Variants in CCDC39 observed in about 807,000 individuals in gnomAD.
CCDC39 encodes coiled-coil domain 39 molecular ruler complex subunit.
A neutral mutation model predicts 121.0 loss-of-function variants in CCDC39; 113 were observed. That is an observed-to-expected ratio of 0.93 (90% CI 0.80 to 1.09). The LOEUF is 1.09. Among genes scored for constraint, CCDC39 ranks in the 50% least tolerant of loss-of-function variants. The pLI is 0.00. For synonymous variants in CCDC39, 349 were observed against 352.2 expected (o/e 0.99, Z 0.10); for missense variants, 1,063 against 1,074.7 (o/e 0.99, Z 0.15).
chr3:180,627,651 A>G (rs73885305), intron 14 of CCDC39, among the ~76,000 whole-genome samples: 1 of 152,198 alleles, frequency 6.6e-6, no homozygotes. Context: ...TGGAAATGAG[A>G]TTTGAAAAAT....
intron 1 of CCDC39, among the ~76,000 whole-genome samples, chr3:180,665,026 A>G (rs1030303559): frequency 1.3e-5 from 2 of 152,082 alleles, no homozygotes; most frequent in African/African-American, 2.4e-5. Flanking sequence ...AAGATATCTT[A>G]AGCGAACAAG....
In CCDC39 at chr3:180,642,137, C is replaced by T; in HGVS notation, c.1730G>A (p.Ser577Asn). The change falls in exon 13 of 20, where the codon AGT becomes AAT. Residue 577 changes from serine (S) to asparagine (N), a missense_variant. Physicochemically the swap from Ser to Asn is conservative, Grantham distance 46. Transcript: ENST00000476379. The part of the protein sequence containing the change: ...EVKRTREMLH[S>N]KAEEVLSLEK... ...TAGGGAAAGAACTTCTTCTGCCTTA[C>T]TGTGAAGCATTTCTCGAGTACGCTT... is the stretch of plus-strand genomic sequence containing the variant. The T allele has an allele frequency of 6.2e-7, 1 of 1,612,646 alleles. No homozygotes were observed. The highest frequency in any genetic ancestry group is 8.5e-7 in the Non-Finnish European group (1 of 1,179,030).
intron 1 of CCDC39, among the ~76,000 whole-genome samples, chr3:180,672,986 A>C (rs1479222842): frequency 6.6e-6 from 1 of 152,210 alleles, no homozygotes; most frequent in Non-Finnish European, 1.5e-5. Context: ...AAGTAACTGC[A>C]GATAAGGTAG....
chr3:180,617,551 A>T (rs1379527484), intron 16 of CCDC39: 1 of 603,912 alleles, frequency 1.7e-6, no homozygotes, highest in South Asian at 2.3e-5. Flanking sequence ...GGTATTGATG[A>T]TCCTGACCAC....
chr3:180,635,368 T>TC (rs138941631), intron 13 of CCDC39, among the ~76,000 whole-genome samples: 6,326 of 150,166 alleles, frequency 0.042, 443 homozygotes, highest in African/African-American at 0.14. Flanking sequence ...TTCCCAATAA[T>TC]CCCCCCAAAG....
chr3:180,668,225 A>C (rs1189151661), intron 1 of CCDC39, among the ~76,000 whole-genome samples: 1 of 152,286 alleles, frequency 6.6e-6, no homozygotes, highest in East Asian at 1.9e-4. Flanking sequence ...AAAAATAAAA[A>C]AAAATTAGCC....
At chr3:180,635,743 T>G (rs535682413) in intron 13 of CCDC39, among the ~76,000 whole-genome samples, 2 of 152,322 alleles carry the variant, frequency 1.3e-5, no homozygotes, top group East Asian at 1.9e-4. Context: ...CTTCACAGGC[T>G]GATATTGAGT....
intron 1 of CCDC39, among the ~76,000 whole-genome samples, chr3:180,674,375 T>G (rs1270567330): frequency 1.1e-4 from 16 of 152,184 alleles, no homozygotes; most frequent in Non-Finnish European, 2.2e-4. Context: ...AAGGAGATTT[T>G]GGGCTGAGAC....
chr3:180,664,030 T>G (rs1201059187), intron 1 of CCDC39, 44 bp from the exon 2 acceptor site: 1 of 1,554,922 alleles, frequency 6.4e-7, no homozygotes, highest in East Asian at 2.3e-5. Context: ...CCTATTAAGT[T>G]TTACCATATG....
At chr3:180,627,218 T>C (rs528774919) in intron 14 of CCDC39, among the ~76,000 whole-genome samples, 2 of 152,360 alleles carry the variant, frequency 1.3e-5, no homozygotes, top group African/African-American at 4.8e-5. Flanking sequence ...TTTATCGTGC[T>C]TCAGAACATT....
At chr3:180,627,438 G>A (rs1341665329) in intron 14 of CCDC39, among the ~76,000 whole-genome samples, 2 of 152,192 alleles carry the variant, frequency 1.3e-5, no homozygotes, top group African/African-American at 4.8e-5. Flanking sequence ...AAATGAAGGA[G>A]TTGAATTTGT....
Position 180,616,640 on chromosome 3 carries a change from A to G in CCDC39, c.2462T>C (p.Met821Thr). 1 of 1,594,694 alleles carries G rather than the reference A, an allele frequency of 6.3e-7. No homozygotes were observed. The highest frequency in any genetic ancestry group is 8.6e-7 in the Non-Finnish European group (1 of 1,169,284). Reference sequence around the variant, plus strand: ...ACGAAGTTTGATGTCTTGTTCTTCCATTGTTTCATCTTTTGTGTCTTTCAA... The same window carrying G: ...ACGAAGTTTGATGTCTTGTTCTTCCGTTGTTTCATCTTTTGTGTCTTTCAA... ...RLLKDTKDET[M>T]EEQDIKLREM... The change falls in exon 18 of 20, where the codon ATG becomes ACG. Residue 821 changes from methionine (M) to threonine (T), a missense_variant. By Grantham distance (81) the Met-to-Thr change is moderately conservative. Coordinates refer to ENST00000476379, the MANE Select transcript of CCDC39 (RefSeq NM_181426.2).
rs1429945767 is a variant in CCDC39 at position 180,616,986 on chromosome 3, A to T, written c.2266-20T>A. On this transcript the variant is annotated intron_variant, in intron 16 of 19. Transcript: ENST00000476379. The stretch of plus-strand genomic sequence containing the variant: ...CATGCTCTGTAGAAAAAATATTAAC[A>T]TGTATTTTTTAGAATCAGAAATTGA... 2 of 1,207,776 alleles carry T rather than the reference A, an allele frequency of 1.7e-6. No homozygotes were observed. Among genetic ancestry groups the T allele is most frequent in the African/African-American group, 1.6e-5 (1 of 62,942 alleles). The allele number at this position is 1,207,776 out of a possible 1,614,324, so 74.8% of individuals were successfully genotyped here. A position where few individuals can be genotyped will look rare whatever the true frequency, so the allele number is the denominator to read the frequency against.
intron 3 of CCDC39, among the ~76,000 whole-genome samples, chr3:180,661,451 G>A (rs1002949003): frequency 6.6e-6 from 1 of 151,920 alleles, no homozygotes; most frequent in African/African-American, 2.4e-5. Flanking sequence ...GACAGAAATA[G>A]GTTAAAGTAG....
At chr3:180,655,356 T>C (rs1711555940) in intron 6 of CCDC39, among the ~76,000 whole-genome samples, 1 of 152,008 alleles carries the variant, frequency 6.6e-6, no homozygotes, top group East Asian at 1.9e-4. Flanking sequence ...ATTTTAGTTA[T>C]TGGTTTCAAT....
intron 1 of CCDC39, among the ~76,000 whole-genome samples, chr3:180,666,449 T>C (rs1232938721): frequency 6.6e-6 from 1 of 152,190 alleles, no homozygotes; most frequent in Non-Finnish European, 1.5e-5. Flanking sequence ...AGTAGAGTTG[T>C]CTAATTCTGA....
chr3:180,673,218 G>A (rs1712098211), intron 1 of CCDC39, among the ~76,000 whole-genome samples: 2 of 152,218 alleles, frequency 1.3e-5, no homozygotes, highest in African/African-American at 4.8e-5. Context: ...AGCAGCAGCA[G>A]GGTATTGGAG....
rs538810762 is a variant in CCDC39, at chr3:180,669,696, C to A, written c.91-5710G>T. The stretch of plus-strand genomic sequence containing the variant: ...CAATAGATAATGAAATAGATAATGA[C>A]TTGGATAATGAAATAAGTCTCATAG... On this transcript the variant is annotated intron_variant, in intron 1 of 19. Transcript: ENST00000476379. Among the ~76,000 whole-genome samples the A allele has an allele frequency of 2.0e-5, 3 of 152,212 alleles. No individual in the cohort carries two copies. The South Asian group carries it at 6.2e-4, about 32-fold the overall frequency.
At chr3:180,626,970 T>C (rs977075011) in intron 14 of CCDC39, among the ~76,000 whole-genome samples, 19 of 152,222 alleles carry the variant, frequency 1.2e-4, no homozygotes, top group African/African-American at 4.1e-4. Flanking sequence ...CAGACTTACA[T>C]TGAAAAAACA....
Sources: gnomAD v4.1 joint callset for allele counts (sites outside exome capture counted in the v4.1 genomes callset) on GRCh38, gnomAD v4.1.1 for gene constraint, MANE v1.5 for transcripts, NCBI Gene and HGNC (gene_info 2026-07-23, HGNC 2026-07-21) for gene names.